LRFN2: variants seen among roughly 807,000 people sequenced by gnomAD.
LRFN2 encodes the protein leucine rich repeat and fibronectin type III domain containing 2, also known as leucine-rich repeat and fibronectin type-III domain-containing protein 2.
LRFN2 carries 18 observed loss-of-function variants against 37.3 expected under a neutral mutation model. That is an observed-to-expected ratio of 0.48 (90% CI 0.33 to 0.72). LRFN2 has a LOEUF of 0.72. LRFN2 is among the 30% of genes least tolerant of loss of function. The pLI is 0.02. For synonymous variants in LRFN2, 556 were observed against 466.6 expected (o/e 1.19, Z -2.47); for missense variants, 1,006 against 1,060.7 (o/e 0.95, Z 0.72).
chr6:40,443,395 C>T (rs1313140651), intron 1 of LRFN2, among the ~76,000 whole-genome samples: 1 of 152,216 alleles, frequency 6.6e-6, no homozygotes, highest in Non-Finnish European at 1.5e-5. Context: ...CATGCATTAG[C>T]CAGCTCTGAA....
chr6:40,396,887 T>A (rs1006713841), intron 2 of LRFN2, among the ~76,000 whole-genome samples: 4 of 152,176 alleles, frequency 2.6e-5, no homozygotes, highest in African/African-American at 4.8e-5. Flanking sequence ...TGCCTAGCAC[T>A]TACTTGTCCT....
intron 1 of LRFN2, among the ~76,000 whole-genome samples, chr6:40,503,895 C>T (rs1283284474): frequency 6.6e-6 from 1 of 151,936 alleles, no homozygotes; most frequent in Non-Finnish European, 1.5e-5. Context: ...TAGGAAAAGC[C>T]CCTGTGCTGG....
At chr6:40,526,859 C>G (rs1766264153) in intron 1 of LRFN2, among the ~76,000 whole-genome samples, 1 of 152,178 alleles carries the variant, frequency 6.6e-6, no homozygotes, top group African/African-American at 2.4e-5. Context: ...GCATCACATA[C>G]CTGGGAGACG....
Position 40,536,607 on chromosome 6 carries a change from C to G in LRFN2, c.-19+50334G>C, listed in dbSNP as rs182342877. On this transcript the variant is annotated intron_variant, in intron 1 of 2. Coordinates refer to ENST00000338305, the MANE Select transcript of LRFN2 (RefSeq NM_020737.3). The stretch of plus-strand genomic sequence containing the variant: ...ATGAGGAGCCTGTTTTGGACCACAA[C>G]CACTAGGAGGTGCAGCTGGAGGAAC... Among the ~76,000 whole-genome samples, 5 of 152,262 alleles carry G rather than the reference C, an allele frequency of 3.3e-5. No individual in the cohort carries two copies. The South Asian group carries it at 1.0e-3, about 32-fold the overall frequency.
chr6:40,414,935 C>G (rs1434933786), intron 2 of LRFN2, among the ~76,000 whole-genome samples: 1 of 152,188 alleles, frequency 6.6e-6, no homozygotes, highest in Non-Finnish European at 1.5e-5. Context: ...CCACAGGAGA[C>G]TAGGGAGAGC....
At chr6:40,405,968 C>G (rs1430435306) in intron 2 of LRFN2, among the ~76,000 whole-genome samples, 1 of 152,172 alleles carries the variant, frequency 6.6e-6, no homozygotes, top group African/African-American at 2.4e-5. Flanking sequence ...CAGGCAAGGA[C>G]TTGGGAAAGT....
chr6:40,409,985 C>T (rs1368774544), intron 2 of LRFN2, among the ~76,000 whole-genome samples: 1 of 152,154 alleles, frequency 6.6e-6, no homozygotes. Flanking sequence ...TGCTGATTCT[C>T]CCTGGATACC....
intron 1 of LRFN2, among the ~76,000 whole-genome samples, chr6:40,464,259 C>T (rs1170798934): frequency 2.6e-5 from 4 of 152,176 alleles, no homozygotes; most frequent in Admixed American, 6.5e-5. Context: ...ATTCATATTT[C>T]TGATGAATCA....
chr6:40,538,333 C>G (rs1381258607), intron 1 of LRFN2, among the ~76,000 whole-genome samples: 2 of 152,086 alleles, frequency 1.3e-5, no homozygotes, highest in African/African-American at 4.8e-5. Flanking sequence ...TAGCAGCCCC[C>G]CTTCTCCAGG....
intron 1 of LRFN2, among the ~76,000 whole-genome samples, chr6:40,513,282 G>A (rs1765767798): frequency 6.7e-6 from 1 of 150,232 alleles, no homozygotes; most frequent in Non-Finnish European, 1.5e-5. Flanking sequence ...CACCCAGGCT[G>A]AAGTGCAGTG....
rs540173688 is a variant in LRFN2 at position 40,417,920 on chromosome 6, T to A, written c.1400+13794A>T. Among the ~76,000 whole-genome samples the A allele has an allele frequency of 8.7e-4, 133 of 152,286 alleles. 1 individual carries two copies. Among genetic ancestry groups the A allele is most frequent in the African/African-American group, 3.0e-3 (123 of 41,554 alleles). On this transcript the variant is annotated intron_variant, in intron 2 of 2. Transcript: ENST00000338305. The stretch of plus-strand genomic sequence containing the variant: ...TAAAACTCTGCAACCATCCCGTAAC[T>A]GGTCTCCCTGATGCTATCCCTGCCT...
chr6:40,558,831 G>A (rs1648824666), intron 1 of LRFN2, among the ~76,000 whole-genome samples: 2 of 152,180 alleles, frequency 1.3e-5, no homozygotes, highest in South Asian at 2.1e-4. Flanking sequence ...GAGGCACAAA[G>A]AGGTTATGTA....
At chr6:40,490,289 T>C (rs1402237784) in intron 1 of LRFN2, among the ~76,000 whole-genome samples, 2 of 152,160 alleles carry the variant, frequency 1.3e-5, no homozygotes, top group Non-Finnish European at 2.9e-5. Flanking sequence ...TGGAACAGAC[T>C]CTCTGGTTAT....
At chr6:40,480,136 A>T (rs1211627998) in intron 1 of LRFN2, among the ~76,000 whole-genome samples, 8 of 152,296 alleles carry the variant, frequency 5.3e-5, no homozygotes. Context: ...TACTCTTTAT[A>T]CAGCACTGGG....
chr6:40,417,275 G>A (rs1763114883), intron 2 of LRFN2, among the ~76,000 whole-genome samples: 1 of 152,178 alleles, frequency 6.6e-6, no homozygotes, highest in Admixed American at 6.5e-5. Flanking sequence ...TGCCGCTGCT[G>A]CCACCATCTC....
At chr6:40,454,224 T>C (rs1322954139) in intron 1 of LRFN2, among the ~76,000 whole-genome samples, 1 of 152,208 alleles carries the variant, frequency 6.6e-6, no homozygotes, top group Non-Finnish European at 1.5e-5. Flanking sequence ...GGTGAGGCTG[T>C]AGGCAAACAA....
At chr6:40,436,479 T>G (rs1367340843) in intron 1 of LRFN2, among the ~76,000 whole-genome samples, 1 of 148,734 alleles carries the variant, frequency 6.7e-6, no homozygotes, top group African/African-American at 2.5e-5. Flanking sequence ...TGACCTCTGT[T>G]CTATAGGATA....
At position 40,432,101 on chromosome 6, in the gene LRFN2, A is replaced by G. The variant is rs1397176971; in HGVS notation, c.1013T>C (p.Val338Ala). ...GATGTCCAGGGTGCCATTGTCATAGACAGCGGTCCTTGAGGAGTTCCCTAC... is the reference window on the plus strand; with the variant it reads ...GATGTCCAGGGTGCCATTGTCATAGGCAGCGGTCCTTGAGGAGTTCCCTAC... ...RLVGNSSRTAVYDNGTLDIFI... is the reference protein window; with the variant it reads ...RLVGNSSRTAAYDNGTLDIFI... Residue 338 changes from valine (V) to alanine (A), a missense_variant, in exon 2 of 3, where the codon GTC becomes GCC. This residue lies in a region of LRFN2 where 303 missense variants were observed against 299.8 expected (regional missense o/e 1.01). Coordinates refer to ENST00000338305, the MANE Select transcript of LRFN2 (RefSeq NM_020737.3). 1 of 1,613,964 alleles carries G rather than the reference A, an allele frequency of 6.2e-7. No homozygotes were observed. Among genetic ancestry groups the G allele is most frequent in the Non-Finnish European group, 8.5e-7 (1 of 1,179,966 alleles).
chr6:40,491,777 T>C (rs56117955), intron 1 of LRFN2, among the ~76,000 whole-genome samples: 2 of 40,436 alleles, frequency 4.9e-5, no homozygotes, highest in African/African-American at 2.6e-4. Context: ...TCCCTCACTC[T>C]ATTTTGCCGT....
Sources: gnomAD v4.1 joint callset for allele counts (sites outside exome capture counted in the v4.1 genomes callset) on GRCh38, gnomAD v4.1.1 for gene constraint, gnomAD v4.1.1 regional missense constraint, MANE v1.5 for transcripts, NCBI Gene and HGNC (gene_info 2026-07-23, HGNC 2026-07-21) for gene names.